The following A1CF variants were observed in gnomAD, a reference collection of about 807,000 sequenced individuals.
A1CF encodes the protein APOBEC1 complementation factor, also known as APOBEC-1 stimulating protein.
A neutral mutation model predicts 68.9 loss-of-function variants in A1CF; 48 were observed. The observed-to-expected ratio is 0.70, with a 90% CI of 0.55 to 0.89. The LOEUF is 0.89. A1CF is among the 40% of genes least tolerant of loss of function. The pLI is 0.00. For synonymous variants in A1CF, 272 were observed against 260.4 expected (o/e 1.04, Z -0.43); for missense variants, 653 against 718.9 (o/e 0.91, Z 1.05).
intron 3 of A1CF, among the ~76,000 whole-genome samples, chr10:50,847,974 T>C (rs1840075308): frequency 6.6e-6 from 1 of 152,324 alleles, no homozygotes; most frequent in African/African-American, 2.4e-5. Context: ...TCTTTTATAC[T>C]TAGCCAGTCA....
intron 7 of A1CF, among the ~76,000 whole-genome samples, chr10:50,827,172 A>T (rs1338520126): frequency 2.0e-5 from 3 of 152,198 alleles, no homozygotes; most frequent in Non-Finnish European, 4.4e-5. Context: ...AGACTCCCAC[A>T]CAATAATAAT....
chr10:50,854,976 A>G (rs1840411510), intron 3 of A1CF, among the ~76,000 whole-genome samples: 1 of 151,890 alleles, frequency 6.6e-6, no homozygotes, highest in Non-Finnish European at 1.5e-5. Context: ...TAATGAGTCT[A>G]TTTTTAAAAA....
chr10:50,817,112 C>A (rs1032230901), intron 8 of A1CF, among the ~76,000 whole-genome samples: 1 of 152,056 alleles, frequency 6.6e-6, no homozygotes, highest in Non-Finnish European at 1.5e-5. Context: ...TGTAGATCTA[C>A]GTGTGCTACT....
chr10:50,802,097 C>G lies in A1CF; in HGVS notation c.*4632G>C, dbSNP rs1265088270. ...TAATAAAAAAAGCTTAAATATTTTA[C>G]TTTTTAAGAGAGGGAATGGGAGTCA... On this transcript the variant is annotated 3_prime_UTR_variant, in exon 13 of 13. Transcript: ENST00000373997. 1.3e-5 allele frequency: 2 copies of G among 152,090 alleles called. No individual in the cohort carries two copies. Among genetic ancestry groups the G allele is most frequent in the African/African-American group, 4.8e-5 (2 of 41,428 alleles). The allele number at this position is 152,090 out of a possible 1,614,324, so 9.4% of individuals were successfully genotyped here. A position where few individuals can be genotyped will look rare whatever the true frequency, so the allele number is the denominator to read the frequency against.
chr10:50,881,020 C>T (rs527711236), intron 1 of A1CF, among the ~76,000 whole-genome samples: 2 of 151,320 alleles, frequency 1.3e-5, no homozygotes, highest in Admixed American at 6.6e-5. Flanking sequence ...GGTGGAGTCT[C>T]ACTCTGTCGC....
At chr10:50,877,733 T>C (rs924055265) in intron 1 of A1CF, among the ~76,000 whole-genome samples, 3 of 152,226 alleles carry the variant, frequency 2.0e-5, no homozygotes, top group African/African-American at 7.2e-5. Flanking sequence ...TGTATTTCTC[T>C]TTTACTTCCT....
intron 1 of A1CF, among the ~76,000 whole-genome samples, chr10:50,883,842 C>T (rs1317061543): frequency 6.6e-6 from 1 of 152,210 alleles, no homozygotes; most frequent in African/African-American, 2.4e-5. Flanking sequence ...ACAAAGGAGC[C>T]TGGCTCTGCC....
At chr10:50,813,777 C>G in intron 10 of A1CF, 80 bp downstream of exon 10, 1 of 1,458,032 alleles carries the variant, frequency 6.9e-7, no homozygotes, top group South Asian at 1.2e-5. Flanking sequence ...GAGTAGGGAT[C>G]AAGTCAAATC....
rs553303371 is a variant in A1CF at position 50,840,877 on chromosome 10, C to G, written c.365+985G>C. 3.9e-5 allele frequency among the ~76,000 whole-genome samples: 6 copies of G among 152,290 alleles called. No individual in the cohort carries two copies. In the South Asian group the frequency reaches 1.2e-3, roughly 32 times the overall value. On this transcript the variant is annotated intron_variant, in intron 5 of 12. Coordinates refer to ENST00000373997, the MANE Select transcript of A1CF (RefSeq NM_014576.4). ...TGGCACTAACAAGTTCACAGATACT[C>G]GGACCAAAATCCTAGGTTTCCTCCC...
In A1CF at chr10:50,806,837, C is replaced by T. The variant is rs530274518; in HGVS notation, c.1653G>A (p.Gln551=). The T allele has an allele frequency of 6.2e-7, 1 of 1,613,510 alleles. No homozygotes were observed. Among genetic ancestry groups the T allele is most frequent in the East Asian group, 2.2e-5 (1 of 44,832 alleles). Residue 551 remains glutamine (Q), a synonymous_variant, in exon 13 of 13, where the codon CAG becomes CAA. Transcript: ENST00000373997. ...PNATAPVSAA[Q]LKQAVTLGQD... is the part of the protein sequence containing the mutation. ...GTCCAAGGGTTACCGCTTGCTTGAG[C>T]TGGGCTGCAGACACGGGTGCAGTTG... is the stretch of plus-strand genomic sequence containing the variant.
chr10:50,809,897 G>A lies in A1CF; in HGVS notation c.1606C>T (p.Pro536Ser). The stretch of plus-strand genomic sequence containing the variant: ...TTCTGGCACAATTTTCCCATACCTG[G>A]GAAAGCAGTAGCAGCAGCAGCAGCA... ...ATAAAAATAFPGYAVPNATAP... is the reference protein window; with the variant it reads ...ATAAAAATAFSGYAVPNATAP... Residue 536 changes from proline to serine, a missense_variant, in exon 12 of 13, where the codon CCA (proline) becomes TCA (serine). By Grantham distance (74) the Pro-to-Ser change is moderately conservative. Transcript: ENST00000373997. 1 of 1,613,826 alleles carries A rather than the reference G, an allele frequency of 6.2e-7. No individual in the cohort carries two copies. The highest frequency in any genetic ancestry group is 8.5e-7 in the Non-Finnish European group (1 of 1,179,846).
chr10:50,820,748 T>A (rs551994833), intron 7 of A1CF, 99 bp from the exon 8 acceptor site: 9 of 838,774 alleles, frequency 1.1e-5, no homozygotes, highest in East Asian at 5.5e-5. Flanking sequence ...TGATTTTTTT[T>A]ATGGATACCT....
chr10:50,856,247 T>A (rs1840471415), intron 3 of A1CF, among the ~76,000 whole-genome samples: 1 of 152,112 alleles, frequency 6.6e-6, no homozygotes, highest in Non-Finnish European at 1.5e-5. Context: ...ACAACTCATA[T>A]GTCATAGGGA....
rs12356021 is a variant in A1CF at position 50,867,917 on chromosome 10, G to A, written c.-93-3837C>T. ...GTTTACTATCTTGATTTGATTTTTC[G>A]GAAGAAATTGGATAAGGAAACTGAA... On this transcript the variant is annotated intron_variant, in intron 1 of 12. Coordinates refer to ENST00000373997, the MANE Select transcript of A1CF (RefSeq NM_014576.4). Among the ~76,000 whole-genome samples, 114 of 152,204 alleles carry A rather than the reference G, an allele frequency of 7.5e-4. 1 individual carries two copies. Among genetic ancestry groups the A allele is most frequent in the Non-Finnish European group, 1.3e-3 (87 of 68,018 alleles).
chr10:50,814,080 C>A, intron 9 of A1CF, 42 bp from the exon 10 acceptor site: 1 of 1,605,178 alleles, frequency 6.2e-7, no homozygotes, highest in Non-Finnish European at 8.5e-7. Context: ...CGTAAGAAGG[C>A]ATTAAACTGA....
At chr10:50,870,982 C>T (rs528969388) in intron 1 of A1CF, among the ~76,000 whole-genome samples, 7 of 151,680 alleles carry the variant, frequency 4.6e-5, no homozygotes, top group African/African-American at 1.2e-4. Context: ...AAAGAAAACA[C>T]GTGATCATCA....
intron 1 of A1CF, among the ~76,000 whole-genome samples, chr10:50,882,788 T>G (rs1159642242): frequency 6.6e-6 from 1 of 152,172 alleles, no homozygotes; most frequent in Non-Finnish European, 1.5e-5. Flanking sequence ...TAGAGACACA[T>G]AAGGTAATGA....
At position 50,826,044 on chromosome 10, in the gene A1CF, A is replaced by G. The variant is rs375773252; in HGVS notation, c.769+2087T>C. 3.9e-4 allele frequency among the ~76,000 whole-genome samples: 60 copies of G among 152,198 alleles called. 2 individuals carry two copies. In the South Asian group the frequency reaches 1.0e-2, roughly 25 times the overall value. Reference sequence around the variant, plus strand: ...AAGAATGATCTGTTCCAAAATATCAATAGTGGTGAGGCTGAGAAACCCTGC... The same window carrying G: ...AAGAATGATCTGTTCCAAAATATCAGTAGTGGTGAGGCTGAGAAACCCTGC... On this transcript the variant is annotated intron_variant, in intron 7 of 12. Transcript: ENST00000373997.
At position 50,803,273 on chromosome 10, in the gene A1CF, T is replaced by G. The variant is rs964964714; in HGVS notation, c.*3456A>C. On this transcript the variant is annotated 3_prime_UTR_variant, in exon 13 of 13. Transcript: ENST00000373997. ...CTGGCCAATTAAATTAAATTTGTTT[T>G]TTTTTTTTTTGTAGAGGCGGAGTCT... is the stretch of plus-strand genomic sequence containing the variant. 6.6e-6 allele frequency: 1 copy of G among 151,940 alleles called. No homozygotes were observed. Among genetic ancestry groups the G allele is most frequent in the Non-Finnish European group, 1.5e-5 (1 of 67,950 alleles). The allele number at this position is 151,940 out of a possible 1,614,324, so 9.4% of individuals were successfully genotyped here. A position where few individuals can be genotyped will look rare whatever the true frequency, so the allele number is the denominator to read the frequency against.
Sources: allele counts gnomAD v4.1 joint callset (sites outside exome capture counted in the v4.1 genomes callset), GRCh38; gene constraint gnomAD v4.1.1; transcripts MANE v1.5; gene names NCBI Gene and HGNC (gene_info 2026-07-23, HGNC 2026-07-21).